LGSN: variants seen among roughly 807,000 people sequenced by gnomAD.
LGSN encodes the protein lengsin.
LGSN carries 21 observed loss-of-function variants against 19.5 expected under a neutral mutation model. That is an observed-to-expected ratio of 1.07 (90% CI 0.76 to 1.55). The LOEUF (loss-of-function observed/expected upper bound fraction) is 1.55. LGSN is among the 40% of genes most tolerant of loss of function. The probability of loss-of-function intolerance (pLI) is 0.00; values close to 1 mark genes in which losing one functional copy is unlikely to be tolerated. For missense variants in LGSN, 673 were observed against 608.5 expected, an observed-to-expected ratio of 1.11 and a Z score of -1.12; for synonymous variants, 257 against 215.6, an observed-to-expected ratio of 1.19 and a Z score of -1.68.
chr6:63,523,792 A>G, the LGSN span, among the ~76,000 whole-genome samples: 1 of 152,014 alleles, frequency 6.6e-6, no homozygotes, highest in Non-Finnish European at 1.5e-5. Context: ...GGCCCAGACA[A>G]TTCTTCTTTC....
chr6:63,328,636 G>A, the LGSN span, among the ~76,000 whole-genome samples: 1 of 152,192 alleles, frequency 6.6e-6, no homozygotes, highest in Non-Finnish European at 1.5e-5. Context: ...CTGGTTGTGG[G>A]GTTGTCCCAC....
the LGSN span, among the ~76,000 whole-genome samples, chr6:63,567,709 G>C: frequency 6.6e-6 from 1 of 152,214 alleles, no homozygotes; most frequent in Non-Finnish European, 1.5e-5. Context: ...TCGAAGCTTT[G>C]AAGCCAAGCA....
chr6:63,519,651 A>C, the LGSN span, among the ~76,000 whole-genome samples: 49 of 152,348 alleles, frequency 3.2e-4, no homozygotes, highest in African/African-American at 1.1e-3. Flanking sequence ...AATTGAATTA[A>C]AAAGTAGGAC....
At chr6:63,505,255 T>C in the LGSN span, among the ~76,000 whole-genome samples, 1 of 151,742 alleles carries the variant, frequency 6.6e-6, no homozygotes, top group African/African-American at 2.4e-5. Flanking sequence ...AGGAATTATA[T>C]GCTTTTCCTC....
At chr6:63,378,813 C>T in the LGSN span, among the ~76,000 whole-genome samples, 1 of 152,206 alleles carries the variant, frequency 6.6e-6, no homozygotes, top group Admixed American at 6.5e-5. Context: ...CTCTCACAGT[C>T]CCCGCCTCTG....
chr6:63,398,124 A>T, the LGSN span, among the ~76,000 whole-genome samples: 2 of 151,366 alleles, frequency 1.3e-5, no homozygotes, highest in Non-Finnish European at 2.9e-5. Flanking sequence ...TACAGTAAAT[A>T]AAACTTGATG....
chr6:63,354,619 T>C, the LGSN span, among the ~76,000 whole-genome samples: 40 of 152,238 alleles, frequency 2.6e-4, no homozygotes, highest in South Asian at 2.3e-3. Flanking sequence ...AAATACCATA[T>C]GATCTATCAC....
the LGSN span, among the ~76,000 whole-genome samples, chr6:63,343,673 A>G: frequency 6.6e-6 from 1 of 152,216 alleles, no homozygotes; most frequent in Non-Finnish European, 1.5e-5. Context: ...AGATCCCCCA[A>G]GATTTCCTTC....
chr6:63,434,637 G>T, the LGSN span, among the ~76,000 whole-genome samples: 95 of 143,324 alleles, frequency 6.6e-4, no homozygotes, highest in African/African-American at 2.4e-3. Flanking sequence ...AAGAAAGAAA[G>T]AAGTTATGAC....
chr6:63,318,042 A>C (rs1034829448), intron 1 of LGSN, among the ~76,000 whole-genome samples: 1 of 152,062 alleles, frequency 6.6e-6, no homozygotes, highest in African/African-American at 2.4e-5. Context: ...AAGAAGTAAG[A>C]ATGTGTTTTC....
At chr6:63,446,579 T>C in the LGSN span, among the ~76,000 whole-genome samples, 2 of 152,316 alleles carry the variant, frequency 1.3e-5, no homozygotes, top group Admixed American at 1.3e-4. Flanking sequence ...CCCAATACAA[T>C]GTTTGTTGAG....
chr6:63,290,262 A>G (rs1562008288), intron 2 of LGSN, among the ~76,000 whole-genome samples: 2 of 152,208 alleles, frequency 1.3e-5, no homozygotes, highest in African/African-American at 4.8e-5. Flanking sequence ...GAGCTAAAGA[A>G]GTTGAGTTAG....
chr6:63,324,873 C>T (rs576060295), upstream of LGSN, among the ~76,000 whole-genome samples: 77 of 151,340 alleles, frequency 5.1e-4, no homozygotes, highest in African/African-American at 1.6e-3. Context: ...TCTGGGAGGC[C>T]GAGGCGGTCA....
chr6:63,340,376 C>T, the LGSN span, among the ~76,000 whole-genome samples: 1 of 152,068 alleles, frequency 6.6e-6, no homozygotes, highest in Non-Finnish European at 1.5e-5. Flanking sequence ...TCCCCATCTC[C>T]TCTCCTTCTG....
chr6:63,315,194 C>T (rs72875123), intron 1 of LGSN, among the ~76,000 whole-genome samples: 7,862 of 152,144 alleles, frequency 0.052, 277 homozygotes, highest in Non-Finnish European at 0.083. Context: ...TAATTATAAC[C>T]AAGACCTACC....
chr6:63,497,786 T>A, the LGSN span, among the ~76,000 whole-genome samples: 3 of 152,130 alleles, frequency 2.0e-5, no homozygotes, highest in Admixed American at 6.5e-5. Flanking sequence ...ATGGGAATTA[T>A]GATTAGTGAG....
At chr6:63,366,034 A>G in the LGSN span, among the ~76,000 whole-genome samples, 2 of 152,180 alleles carry the variant, frequency 1.3e-5, no homozygotes, top group Non-Finnish European at 2.9e-5. Context: ...GGCACAAGAC[A>G]GGGATGCCCT....
the LGSN span, among the ~76,000 whole-genome samples, chr6:63,429,393 T>C: frequency 6.6e-6 from 1 of 152,186 alleles, no homozygotes; most frequent in African/African-American, 2.4e-5. Context: ...CTATATTATA[T>C]ATGAATTGGA....
chr6:63,433,178 T>A, the LGSN span, among the ~76,000 whole-genome samples: 1 of 152,032 alleles, frequency 6.6e-6, no homozygotes, highest in East Asian at 1.9e-4. Flanking sequence ...GGGGGGGTGG[T>A]AAATAACAAA....
Sources: allele counts gnomAD v4.1 joint callset (sites outside exome capture counted in the v4.1 genomes callset), GRCh38; gene constraint gnomAD v4.1.1; transcripts MANE v1.5; gene names NCBI Gene and HGNC (gene_info 2026-07-23, HGNC 2026-07-21).